MACF1: variants seen among roughly 807,000 people sequenced by gnomAD.
The protein encoded by MACF1 is microtubule actin crosslinking factor 1, also known as microtubule-actin cross-linking factor 1.
A neutral mutation model predicts 854.8 loss-of-function variants in MACF1; 193 were observed. The ratio of observed to expected loss-of-function variants is 0.23; its 90% CI spans 0.20 to 0.25. The LOEUF is 0.25. MACF1 is among the 10% of genes least tolerant of loss of function. The probability of loss-of-function intolerance (pLI) is 1.00; values close to 1 mark genes in which losing one functional copy is unlikely to be tolerated. For synonymous variants in MACF1, 3,185 were observed against 3,226.7 expected (o/e 0.99, Z 0.44); for missense variants, 7,722 against 8,929.1 (o/e 0.86, Z 5.45).
intron 2 of MACF1, among the ~76,000 whole-genome samples, chr1:39,101,985 G>A (rs1642091704): frequency 6.6e-6 from 1 of 151,144 alleles, no homozygotes; most frequent in African/African-American, 2.4e-5. Context: ...GACCATCCTG[G>A]CTAACACAGT....
chr1:39,304,345 C>T, intron 23 of MACF1: 1 of 794,988 alleles, frequency 1.3e-6, no homozygotes, highest in Non-Finnish European at 2.2e-6. Context: ...GGAAATAATC[C>T]TTGTCATCTA....
chr1:39,128,885 C>T (rs932665540), intron 2 of MACF1, among the ~76,000 whole-genome samples: 19 of 152,260 alleles, frequency 1.2e-4, no homozygotes, highest in African/African-American at 4.6e-4. Context: ...CACTCATTTG[C>T]CAGTTGACCA....
In MACF1 at chr1:39,376,215, T is replaced by G. The variant is rs141324037; in HGVS notation, c.13214-2246T>G. Among the ~76,000 whole-genome samples the G allele has an allele frequency of 3.9e-5, 6 of 152,240 alleles. No homozygotes were observed. The East Asian group carries it at 1.2e-3, about 29-fold the overall frequency. ...AATTCAGCATAATTGAACATGCATG[T>G]TTTATTATCATTTCTAAGTACTTAG... On this transcript the variant is annotated intron_variant, in intron 52 of 100. Transcript: ENST00000564288.
intron 97 of MACF1, among the ~76,000 whole-genome samples, chr1:39,470,404 C>T (rs950935772): frequency 7.9e-5 from 12 of 152,052 alleles, no homozygotes; most frequent in African/African-American, 2.9e-4. Flanking sequence ...ACATTGGGAG[C>T]CCAAGGCAGG....
intron 5 of MACF1, chr1:39,257,624 C>T (rs11588263): frequency 8.0e-6 from 2 of 250,372 alleles, no homozygotes; most frequent in African/African-American, 2.3e-5. Flanking sequence ...ATCTTGCATG[C>T]TGCATGATCC....
At position 39,361,386 on chromosome 1, in the gene MACF1, A is replaced by G. The variant is rs148941386; in HGVS notation, c.12480A>G (p.Gln4160=). 5.3e-5 allele frequency: 85 copies of G among 1,613,612 alleles called. No individual in the cohort carries two copies. In the African/African-American group the frequency reaches 8.8e-4, roughly 17 times the overall value. Residue 4160 remains glutamine (Q), a synonymous_variant, in exon 49 of 101, where the codon CAA becomes CAG. Transcript: ENST00000564288. Reference sequence around the variant, plus strand: ...AATTGAAGCAGGACATTGCTCGGCAAAAGAGCAGCTTGGAGGCCACCCGTG... The same window carrying G: ...AATTGAAGCAGGACATTGCTCGGCAGAAGAGCAGCTTGGAGGCCACCCGTG... ...NMKLKQDIAR[Q]KSSLEATREM...
intron 36 of MACF1, among the ~76,000 whole-genome samples, chr1:39,330,943 A>G (rs1171320156): frequency 6.6e-6 from 1 of 151,922 alleles, no homozygotes; most frequent in Non-Finnish European, 1.5e-5. Flanking sequence ...CTGGGATTAC[A>G]GGTGCGCACC....
intron 56 of MACF1, among the ~76,000 whole-genome samples, chr1:39,383,461 T>C (rs1650419700): frequency 6.6e-6 from 1 of 152,200 alleles, no homozygotes; most frequent in Non-Finnish European, 1.5e-5. Flanking sequence ...ATTAAAATAC[T>C]GAGGAATTTT....
At chr1:39,303,575 G>A (rs1646095942) in intron 23 of MACF1, among the ~76,000 whole-genome samples, 1 of 151,530 alleles carries the variant, frequency 6.6e-6, no homozygotes, top group Non-Finnish European at 1.5e-5. Context: ...GATTGGGCTG[G>A]GCACAGTGGC....
chr1:39,229,129 G>A (rs1644750339), intron 1 of MACF1, among the ~76,000 whole-genome samples: 2 of 152,184 alleles, frequency 1.3e-5, no homozygotes, highest in African/African-American at 4.8e-5. Context: ...GGGAGATTTG[G>A]AGAGACCTTT....
At chr1:39,463,747 CT>C in intron 94 of MACF1, 61 bp downstream of exon 94, 2 of 1,450,260 alleles carry the variant, frequency 1.4e-6, no homozygotes, top group Non-Finnish European at 1.9e-6. Flanking sequence ...CTGATCCCAC[CT>C]TTTCCTCCTG....
chr1:39,262,384 C>A (rs546535720), intron 6 of MACF1, among the ~76,000 whole-genome samples: 35 of 106,476 alleles, frequency 3.3e-4, no homozygotes, highest in Middle Eastern at 0.011. Flanking sequence ...CTGGGCTACA[C>A]GAGACTCCAT....
At chr1:39,363,842 C>T (rs766545817) in intron 49 of MACF1, among the ~76,000 whole-genome samples, 6 of 152,034 alleles carry the variant, frequency 3.9e-5, no homozygotes, top group Non-Finnish European at 7.4e-5. Context: ...AAACTCCTGA[C>T]CTCAAGTGAT....
chr1:39,091,550 C>G (rs2148121288), intron 2 of MACF1, among the ~76,000 whole-genome samples: 1 of 152,202 alleles, frequency 6.6e-6, no homozygotes, highest in Admixed American at 6.5e-5. Context: ...GGCTGGAGTG[C>G]AGTGGCACGA....
At chr1:39,408,867 G>T (rs113214136) in intron 58 of MACF1, among the ~76,000 whole-genome samples, 24,196 of 151,660 alleles carry the variant, frequency 0.16, 2,414 homozygotes, top group Middle Eastern at 0.22. Flanking sequence ...CTCCTTCGGC[G>T]CCTCAGCCTC....
At chr1:39,387,143 A>C (rs778309397) in intron 57 of MACF1, 44 bp from the exon 58 acceptor site, 29 of 1,581,046 alleles carry the variant, frequency 1.8e-5, no homozygotes, top group Non-Finnish European at 2.4e-5. Flanking sequence ...TTTAAATGCC[A>C]GGGTTCAGGC....
In MACF1 at chr1:39,284,366, A is replaced by C; in HGVS notation, c.1069A>C (p.Thr357Pro). Residue 357 changes from threonine to proline, a missense_variant, in exon 11 of 101, where the codon ACA becomes CCA. By Grantham distance (38) the Thr-to-Pro change is conservative. This residue lies in a region of MACF1 where 97 missense variants were observed against 130.4 expected (regional missense o/e 0.74). Coordinates refer to ENST00000564288, the MANE Select transcript of MACF1 (RefSeq NM_001394062.1). The stretch of plus-strand genomic sequence containing the variant: ...TAACCAATATATACACTTCAAAGAA[A>C]CAGAAATTCTGGCCAAGGAGAGAGA... ...LYNQYIHFKE[T>P]EILAKEREKG... is the part of the protein sequence containing the mutation. 1 of 1,601,056 alleles carries C rather than the reference A, an allele frequency of 6.2e-7. No individual in the cohort carries two copies. The highest frequency in any genetic ancestry group is 2.2e-5 in the East Asian group (1 of 44,842).
In MACF1 at chr1:39,291,986, A is replaced by G; in HGVS notation, c.1862A>G (p.His621Arg). 6.2e-7 allele frequency: 1 copy of G among 1,614,150 alleles called. No homozygotes were observed. The highest frequency in any genetic ancestry group is 1.1e-5 in the South Asian group (1 of 91,084). ...CAGCTAGAAACACAGCAGCACATCC[A>G]TACGAGTGTAGAAGAGCTGGGCTCA... ...ELQLETQQHIHTSVEELGSSV... is the reference protein window; with the variant it reads ...ELQLETQQHIRTSVEELGSSV... The change falls in exon 16 of 101, where the codon CAT (histidine) becomes CGT (arginine). Residue 621 changes from histidine to arginine, a missense_variant. His to Arg is a conservative substitution (Grantham distance 29). Coordinates refer to ENST00000564288, the MANE Select transcript of MACF1 (RefSeq NM_001394062.1).
At chr1:39,376,214 G>A (rs1246377990) in intron 52 of MACF1, among the ~76,000 whole-genome samples, 3 of 152,116 alleles carry the variant, frequency 2.0e-5, no homozygotes, top group South Asian at 2.1e-4. Context: ...GAACATGCAT[G>A]TTTTATTATC....
Sources: gnomAD v4.1 joint callset for allele counts (sites outside exome capture counted in the v4.1 genomes callset) on GRCh38, gnomAD v4.1.1 for gene constraint, gnomAD v4.1.1 regional missense constraint, MANE v1.5 for transcripts, NCBI Gene and HGNC (gene_info 2026-07-23, HGNC 2026-07-21) for gene names.